Variants in LARGE1 observed in about 807,000 individuals in gnomAD.
LARGE1 encodes xylosyl- and glucuronyltransferase LARGE1.
A neutral mutation model predicts 87.6 loss-of-function variants in LARGE1; 43 were observed. That is an observed-to-expected ratio of 0.49 (90% CI 0.38 to 0.63). The LOEUF is 0.63. LARGE1 is among the 30% of genes least tolerant of loss of function. The probability of loss-of-function intolerance (pLI) is 0.00; values close to 1 mark genes in which losing one functional copy is unlikely to be tolerated. For synonymous variants in LARGE1, 434 were observed against 394.6 expected (o/e 1.10, Z -1.18); for missense variants, 802 against 1,000.2 (o/e 0.80, Z 2.67).
chr22:33,844,434 C>T (rs2063371416), intron 1 of LARGE1, among the ~76,000 whole-genome samples: 1 of 152,140 alleles, frequency 6.6e-6, no homozygotes, highest in African/African-American at 2.4e-5. Flanking sequence ...ATGGGGCTCT[C>T]CTTTCGGTGC....
At chr22:33,577,491 C>G (rs1299693710) in intron 5 of LARGE1, among the ~76,000 whole-genome samples, 1 of 152,222 alleles carries the variant, frequency 6.6e-6, no homozygotes, top group Non-Finnish European at 1.5e-5. Context: ...TCTCTGTTGT[C>G]AAGTTCATCT....
chr22:33,836,791 T>C (rs1020624096), intron 1 of LARGE1, among the ~76,000 whole-genome samples: 3 of 147,090 alleles, frequency 2.0e-5, no homozygotes, highest in Non-Finnish European at 4.4e-5. Context: ...ATTATCTACC[T>C]TACTGGAAAA....
At chr22:33,153,973 C>G in the LARGE1 span, among the ~76,000 whole-genome samples, 1 of 152,132 alleles carries the variant, frequency 6.6e-6, no homozygotes, top group Non-Finnish European at 1.5e-5. Flanking sequence ...TTCTCATAAG[C>G]AGAAATCTGG....
intron 1 of LARGE1, among the ~76,000 whole-genome samples, chr22:33,867,144 G>A (rs890783592): frequency 6.6e-6 from 1 of 152,162 alleles, no homozygotes; most frequent in Non-Finnish European, 1.5e-5. Context: ...TGGGCTCTGG[G>A]TGGGCCCAGA....
At chr22:33,346,545 TGCCCACCTCG>T (rs1939786083) in intron 9 of LARGE1, among the ~76,000 whole-genome samples, 1 of 152,120 alleles carries the variant, frequency 6.6e-6, no homozygotes. Flanking sequence ...TCAGTTGATC[TGCCCACCTCG>T]GCCTCCTAAA....
chr22:33,179,093 G>T (rs1442882533), intron 11 of LARGE1, among the ~76,000 whole-genome samples: 1 of 152,036 alleles, frequency 6.6e-6, no homozygotes, highest in East Asian at 1.9e-4. Flanking sequence ...CCATCATGGG[G>T]GCCCCACCCT....
intron 9 of LARGE1, among the ~76,000 whole-genome samples, chr22:33,377,917 A>G (rs1479292807): frequency 1.3e-5 from 2 of 152,160 alleles, no homozygotes; most frequent in African/African-American, 4.8e-5. Flanking sequence ...ACGGCTATTC[A>G]TTTTTTGAGA....
At chr22:33,190,057 G>C (rs1202850571) in intron 11 of LARGE1, among the ~76,000 whole-genome samples, 1 of 152,182 alleles carries the variant, frequency 6.6e-6, no homozygotes, top group Non-Finnish European at 1.5e-5. Flanking sequence ...ATTTAAAACT[G>C]ACTTGAATTA....
chr22:33,637,910 A>G (rs899005470), intron 3 of LARGE1, among the ~76,000 whole-genome samples: 1 of 152,228 alleles, frequency 6.6e-6, no homozygotes, highest in Non-Finnish European at 1.5e-5. Context: ...CTATGTAGCA[A>G]TAAGTAACTA....
intron 1 of LARGE1, among the ~76,000 whole-genome samples, chr22:33,762,305 A>G (rs779423978): frequency 4.0e-5 from 6 of 151,746 alleles, no homozygotes; most frequent in Non-Finnish European, 7.4e-5. Flanking sequence ...GAAAAGATCT[A>G]TAACAACCCC....
Position 33,635,864 on chromosome 22 carries a change from G to A in LARGE1, c.409-9538C>T, listed in dbSNP as rs190176250. Reference sequence around the variant, plus strand: ...CCACTCTAAATGCTGAACCATGGATGCAAAGACAAAGTTATTTCAACTATG... The same window carrying A: ...CCACTCTAAATGCTGAACCATGGATACAAAGACAAAGTTATTTCAACTATG... On this transcript the variant is annotated intron_variant, in intron 3 of 14. Coordinates refer to ENST00000397394, the MANE Select transcript of LARGE1 (RefSeq NM_133642.5). Among the ~76,000 whole-genome samples the A allele has an allele frequency of 9.8e-4, 150 of 152,328 alleles. 1 individual carries two copies. The highest frequency in any genetic ancestry group is 3.5e-3 in the African/African-American group (145 of 41,572).
chr22:33,830,405 C>T (rs1336253047), intron 1 of LARGE1, among the ~76,000 whole-genome samples: 1 of 152,146 alleles, frequency 6.6e-6, no homozygotes, highest in African/African-American at 2.4e-5. Flanking sequence ...AAGGAATTGT[C>T]AGGGACACAT....
chr22:33,609,142 C>T (rs1466192151), intron 4 of LARGE1, among the ~76,000 whole-genome samples: 1 of 152,154 alleles, frequency 6.6e-6, no homozygotes, highest in African/African-American at 2.4e-5. Context: ...TAAGTTACAA[C>T]AGGGATACAG....
chr22:33,249,321 A>AT (rs901639036), intron 11 of LARGE1, among the ~76,000 whole-genome samples: 5 of 152,110 alleles, frequency 3.3e-5, no homozygotes, highest in Non-Finnish European at 7.4e-5. Flanking sequence ...TTATATGTTT[A>AT]TTTACCATCT....
intron 1 of LARGE1, among the ~76,000 whole-genome samples, chr22:33,816,690 A>AGATT (rs2086661558): frequency 9.1e-6 from 1 of 109,684 alleles, no homozygotes; most frequent in South Asian, 3.0e-4. Flanking sequence ...ATAGATAGAT[A>AGATT]GACAGACAGA....
At chr22:33,719,046 C>G (rs1002438625) in intron 2 of LARGE1, among the ~76,000 whole-genome samples, 2 of 152,184 alleles carry the variant, frequency 1.3e-5, no homozygotes, top group Non-Finnish European at 2.9e-5. Flanking sequence ...GCCTCAGCCT[C>G]CCAAAGTGCT....
chr22:33,714,267 C>T (rs763008894), intron 2 of LARGE1, among the ~76,000 whole-genome samples: 18 of 152,064 alleles, frequency 1.2e-4, no homozygotes, highest in Non-Finnish European at 2.2e-4. Context: ...AAATGAGGAG[C>T]CCCTCGTTCA....
rs73882233 is a variant in LARGE1, at chr22:33,465,354, T to G, written c.788-33089A>C. Among the ~76,000 whole-genome samples, 1,234 of 152,330 alleles carry G rather than the reference T, an allele frequency of 8.1e-3. 19 individuals are homozygous for G. Among genetic ancestry groups the G allele is most frequent in the African/African-American group, 0.028 (1,166 of 41,572 alleles). Reference sequence around the variant, plus strand: ...AGTTAGCTCTGGGGCAAAGACCACATGGAGCTCCAAGTCTTTGGGTGAGGA... The same window carrying G: ...AGTTAGCTCTGGGGCAAAGACCACAGGGAGCTCCAAGTCTTTGGGTGAGGA... On this transcript the variant is annotated intron_variant, in intron 6 of 14. Transcript: ENST00000397394.
At chr22:33,504,912 G>A (rs1231114615) in intron 6 of LARGE1, among the ~76,000 whole-genome samples, 1 of 152,224 alleles carries the variant, frequency 6.6e-6, no homozygotes, top group African/African-American at 2.4e-5. Context: ...GGCAAGCACT[G>A]TATTGCTAAA....
Sources: gnomAD v4.1 joint callset for allele counts (sites outside exome capture counted in the v4.1 genomes callset) on GRCh38, gnomAD v4.1.1 for gene constraint, MANE v1.5 for transcripts, NCBI Gene and HGNC (gene_info 2026-07-23, HGNC 2026-07-21) for gene names.